CCDC33: variants seen among roughly 807,000 people sequenced by gnomAD.
CCDC33 encodes coiled-coil domain containing 33, also known as coiled-coil domain-containing protein 33.
In CCDC33, 94 loss-of-function variants were observed where a neutral mutation model predicts 91.9. The observed-to-expected ratio is 1.02, with a 90% CI of 0.87 to 1.21. The LOEUF (loss-of-function observed/expected upper bound fraction) is 1.21. CCDC33 is among the 50% of genes most tolerant of loss of function. The pLI, the probability that CCDC33 is intolerant of heterozygous loss-of-function variation, is 0.00. For missense variants in CCDC33, 940 were observed against 935.5 expected (o/e 1.00, Z -0.06); for synonymous variants, 396 against 374.5 (o/e 1.06, Z -0.66).
intron 11 of CCDC33, among the ~76,000 whole-genome samples, chr15:74,313,282 C>A (rs1310206421): frequency 6.6e-6 from 1 of 152,138 alleles, no homozygotes; most frequent in Admixed American, 6.5e-5. Context: ...AGGATGCTTT[C>A]CCTTGGCTCT....
In CCDC33 at chr15:74,236,501, C is replaced by A; in HGVS notation, c.-219C>A. On this transcript the variant is annotated 5_prime_UTR_variant, in exon 1 of 19. Transcript: ENST00000398814. ...GCTGCTGAGAGATCCAGGACCTGCTCCCACCTGGCCACCCTCCCCCTCCCC... is the reference window on the plus strand; with the variant it reads ...GCTGCTGAGAGATCCAGGACCTGCTACCACCTGGCCACCCTCCCCCTCCCC... 1 of 457,828 alleles carries A rather than the reference C, an allele frequency of 2.2e-6. No homozygotes were observed. The highest frequency in any genetic ancestry group is 3.9e-6 in the Non-Finnish European group (1 of 258,132). The allele number at this position is 457,828 out of a possible 1,614,324, so 28.4% of individuals were successfully genotyped here.
At chr15:74,287,686 G>T (rs1274488681) in intron 10 of CCDC33, among the ~76,000 whole-genome samples, 1 of 152,198 alleles carries the variant, frequency 6.6e-6, no homozygotes, top group East Asian at 1.9e-4. Context: ...GCTGGGCTTG[G>T]TGGCAGGAGC....
upstream of CCDC33, chr15:74,212,507 G>A (rs1029703825): frequency 6.6e-6 from 1 of 152,344 alleles, no homozygotes; most frequent in Non-Finnish European, 1.5e-5. Flanking sequence ...CCCGGAGCAG[G>A]AGGCCAAGAG....
intron 2 of CCDC33, among the ~76,000 whole-genome samples, chr15:74,246,052 G>T (rs932204033): frequency 6.6e-6 from 1 of 152,194 alleles, no homozygotes; most frequent in Non-Finnish European, 1.5e-5. Context: ...AACCTGGAAA[G>T]AATTTATATC....
chr15:74,269,174 C>G (rs1392895746), intron 5 of CCDC33, among the ~76,000 whole-genome samples: 2 of 152,106 alleles, frequency 1.3e-5, no homozygotes, highest in Non-Finnish European at 2.9e-5. Context: ...CCCATTCCCC[C>G]CAACTTTCAA....
In CCDC33 at chr15:74,268,420, A is replaced by G. The variant is rs2076226201; in HGVS notation, c.508A>G (p.Ile170Val). The G allele has an allele frequency of 4.4e-6, 7 of 1,606,074 alleles. No homozygotes were observed. Among genetic ancestry groups the G allele is most frequent in the African/African-American group, 1.4e-5 (1 of 73,936 alleles). ...AACAGTCGTTCGGAAGAGCAGCTTCATACCCCGCTACATCGGCTGCAACCA... is the reference window on the plus strand; with the variant it reads ...AACAGTCGTTCGGAAGAGCAGCTTCGTACCCCGCTACATCGGCTGCAACCA... ...YATVVRKSSF[I>V]PRYIGCNHMA... is the part of the protein sequence containing the mutation. Residue 170 changes from isoleucine to valine, a missense_variant, in exon 5 of 19, where the codon ATA (isoleucine) becomes GTA (valine). Ile to Val is a conservative substitution (Grantham distance 29). Coordinates refer to ENST00000398814, the MANE Select transcript of CCDC33 (RefSeq NM_025055.5).
At chr15:74,212,702 C>G (rs2074379450), upstream of CCDC33, 1 of 152,130 alleles carries the variant, frequency 6.6e-6, no homozygotes, top group Non-Finnish European at 1.5e-5. Context: ...GAAAATAACA[C>G]CCGAAAATGA....
chr15:74,300,919 T>C (rs531497050), intron 11 of CCDC33: 1 of 152,412 alleles, frequency 6.6e-6, no homozygotes, highest in South Asian at 2.1e-4. Context: ...TGCAGGCCTT[T>C]CAAGTTCCAT....
intron 10 of CCDC33, among the ~76,000 whole-genome samples, chr15:74,293,594 T>G (rs748837891): frequency 3.9e-5 from 6 of 152,096 alleles, no homozygotes; most frequent in Non-Finnish European, 2.9e-5. Context: ...TGTCTTCACG[T>G]CAGTGGGGAG....
chr15:74,313,295 C>G (rs1288613237), intron 11 of CCDC33, among the ~76,000 whole-genome samples: 1 of 152,128 alleles, frequency 6.6e-6, no homozygotes, highest in African/African-American at 2.4e-5. Context: ...TTGGCTCTCT[C>G]CCCATCCCGA....
intron 3 of CCDC33, among the ~76,000 whole-genome samples, chr15:74,262,818 CTGT>C (rs774156284): frequency 9.8e-5 from 15 of 152,310 alleles, no homozygotes; most frequent in Non-Finnish European, 2.1e-4. Flanking sequence ...TTTTTTATGA[CTGT>C]TGTTATTATT....
intron 11 of CCDC33, among the ~76,000 whole-genome samples, chr15:74,313,273 G>A (rs886704712): frequency 4.6e-5 from 7 of 152,096 alleles, no homozygotes; most frequent in Non-Finnish European, 7.4e-5. Flanking sequence ...AGCACCTCAA[G>A]GATGCTTTCC....
intron 3 of CCDC33, among the ~76,000 whole-genome samples, chr15:74,264,952 C>A (rs2076128880): frequency 6.6e-6 from 1 of 152,188 alleles, no homozygotes; most frequent in South Asian, 2.1e-4. Context: ...TCCCTTACCT[C>A]AATCTCCCTT....
intron 11 of CCDC33, among the ~76,000 whole-genome samples, chr15:74,321,773 A>G (rs546061507): frequency 6.6e-6 from 1 of 152,330 alleles, no homozygotes. Context: ...CTGACATTCA[A>G]AGGACACCTA....
chr15:74,274,370 C>G (rs1300720539), intron 7 of CCDC33, among the ~76,000 whole-genome samples: 1 of 152,208 alleles, frequency 6.6e-6, no homozygotes, highest in African/African-American at 2.4e-5. Flanking sequence ...ACGATGGTCC[C>G]AACATTCCTA....
intron 11 of CCDC33, among the ~76,000 whole-genome samples, chr15:74,313,646 CTGACCTCAGGTGAT>C (rs1219085234): frequency 2.6e-5 from 4 of 152,032 alleles, no homozygotes; most frequent in Admixed American, 2.6e-4. Flanking sequence ...TCTCGAACAC[CTGACCTCAGGTGAT>C]TAGCCCAGCA....
intron 17 of CCDC33, among the ~76,000 whole-genome samples, chr15:74,334,686 TG>T (rs1343410003): frequency 7.0e-6 from 1 of 143,486 alleles, no homozygotes; most frequent in African/African-American, 3.0e-5. Flanking sequence ...GTTCATTGTG[TG>T]ACCAGGGTCA....
intron 10 of CCDC33, among the ~76,000 whole-genome samples, chr15:74,292,758 A>G (rs2059608273): frequency 6.6e-6 from 1 of 152,026 alleles, no homozygotes; most frequent in Admixed American, 6.6e-5. Flanking sequence ...GTAGGGCAGG[A>G]CAGAATCATT....
At chr15:74,223,427 CCAAA>C (rs1386877734) in intron 2 of CCDC33, among the ~76,000 whole-genome samples, 1 of 152,138 alleles carries the variant, frequency 6.6e-6, no homozygotes, top group Non-Finnish European at 1.5e-5. Context: ...CTGCGCTTCA[CCAAA>C]CACAGAGGAC....
Sources: gnomAD v4.1 joint callset for allele counts (sites outside exome capture counted in the v4.1 genomes callset) on GRCh38, gnomAD v4.1.1 for gene constraint, MANE v1.5 for transcripts, NCBI Gene and HGNC (gene_info 2026-07-23, HGNC 2026-07-21) for gene names.